TBC1D12: variants seen among roughly 807,000 people sequenced by gnomAD.
The protein encoded by TBC1D12 is TBC1 domain family, member 12.
A neutral mutation model predicts 86.7 loss-of-function variants in TBC1D12; 56 were observed. The ratio of observed to expected loss-of-function variants is 0.65; its 90% CI spans 0.52 to 0.81. TBC1D12 has a LOEUF of 0.81. Among genes scored for constraint, TBC1D12 ranks in the 30% least tolerant of loss-of-function variants. The pLI, the probability that TBC1D12 is intolerant of heterozygous loss-of-function variation, is 0.00. For missense variants in TBC1D12, 1,023 were observed against 1,038.8 expected (o/e 0.98, Z 0.21); for synonymous variants, 421 against 411.7 (o/e 1.02, Z -0.27).
At chr10:94,485,346 T>C (rs531764777) in intron 3 of TBC1D12, among the ~76,000 whole-genome samples, 1 of 152,294 alleles carries the variant, frequency 6.6e-6, no homozygotes, top group African/African-American at 2.4e-5. Flanking sequence ...GTTGAAATTA[T>C]ATGGTTTTTG....
intron 3 of TBC1D12, among the ~76,000 whole-genome samples, chr10:94,480,241 A>G (rs2056057122): frequency 6.6e-6 from 1 of 152,086 alleles, no homozygotes; most frequent in African/African-American, 2.4e-5. Context: ...TAATAGTATA[A>G]ATTTTTGGTG....
chr10:94,514,623 A>G (rs1445128796), intron 9 of TBC1D12, among the ~76,000 whole-genome samples: 1 of 152,156 alleles, frequency 6.6e-6, no homozygotes, highest in African/African-American at 2.4e-5. Flanking sequence ...GCTGAACAGT[A>G]TTCTTTTGTA....
intron 11 of TBC1D12, among the ~76,000 whole-genome samples, chr10:94,528,860 A>AG (rs56052709): frequency 0.98 from 148,570 of 150,894 alleles, 73,123 homozygotes; most frequent in East Asian, 1. Context: ...TAATTTGAGG[A>AG]GGGGGAAGAG....
rs2477534 is a variant in TBC1D12 at position 94,403,282 on chromosome 10, C to G, written c.669C>G (p.Pro223=). 973,496 of 1,498,044 alleles carry G rather than the reference C, an allele frequency of 0.65. 317,599 individuals are homozygous for G. The highest frequency in any genetic ancestry group is 0.8 in the East Asian group (28,552 of 35,600). 92.8% of individuals were successfully genotyped at this position (1,498,044 alleles called of 1,614,324 possible). A position where few individuals can be genotyped will look rare whatever the true frequency, so the allele number is the denominator to read the frequency against. The part of the protein sequence containing the change: ...EGAGSDSGDS[P]ASSCSSSEDS... The stretch of plus-strand genomic sequence containing the variant: ...CGGGCAGCGACTCGGGGGACAGCCC[C>G]GCCAGCAGCTGCAGCAGTAGCGAGG... Residue 223 remains proline, a synonymous_variant, in exon 1 of 13, where the codon CCC becomes CCG. Coordinates refer to ENST00000225235, the MANE Select transcript of TBC1D12 (RefSeq NM_015188.2).
intron 1 of TBC1D12, among the ~76,000 whole-genome samples, chr10:94,439,503 G>C (rs186572315): frequency 1.3e-5 from 2 of 152,236 alleles, no homozygotes; most frequent in African/African-American, 4.8e-5. Flanking sequence ...CTGCAGGAAC[G>C]CCATCTCCAG....
At chr10:94,522,120 TTGAA>T (rs1381272852) in intron 10 of TBC1D12, 37 bp downstream of exon 10, 11 of 1,595,622 alleles carry the variant, frequency 6.9e-6, no homozygotes, top group African/African-American at 6.7e-5. Flanking sequence ...TTTCTGTAGT[TTGAA>T]TGCCCTCTTA....
At chr10:94,528,309 G>A (rs1331468243) in intron 11 of TBC1D12, among the ~76,000 whole-genome samples, 2 of 152,072 alleles carry the variant, frequency 1.3e-5, no homozygotes, top group Admixed American at 6.5e-5. Flanking sequence ...TTACTCCTAA[G>A]TTTACTCCTT....
chr10:94,485,291 A>G (rs2056144113), intron 3 of TBC1D12, among the ~76,000 whole-genome samples: 1 of 152,008 alleles, frequency 6.6e-6, no homozygotes, highest in Non-Finnish European at 1.5e-5. Flanking sequence ...TAGGGCTTTT[A>G]TTATGAAGGG....
At chr10:94,482,556 T>A (rs753718434) in intron 3 of TBC1D12, among the ~76,000 whole-genome samples, 33 of 152,126 alleles carry the variant, frequency 2.2e-4, no homozygotes, top group Non-Finnish European at 4.9e-4. Flanking sequence ...GTTCAAGCAA[T>A]TCTCCTGCCT....
At chr10:94,419,935 A>C (rs561227005) in intron 1 of TBC1D12, among the ~76,000 whole-genome samples, 30 of 152,342 alleles carry the variant, frequency 2.0e-4, no homozygotes, top group African/African-American at 5.8e-4. Flanking sequence ...TCTGTTGATG[A>C]ATGCTGGCAA....
intron 10 of TBC1D12, 35 bp from the exon 11 acceptor site, chr10:94,522,309 T>A (rs1208057662): frequency 8.2e-7 from 1 of 1,214,334 alleles, no homozygotes; most frequent in Admixed American, 2.5e-5. Flanking sequence ...CTAGACTATA[T>A]ACTTTCATAA....
chr10:94,419,734 A>G (rs1051743277), intron 1 of TBC1D12, among the ~76,000 whole-genome samples: 1 of 152,184 alleles, frequency 6.6e-6, no homozygotes, highest in Non-Finnish European at 1.5e-5. Context: ...AGGAACAGTC[A>G]TTTTTGTATT....
intron 1 of TBC1D12, among the ~76,000 whole-genome samples, chr10:94,420,354 C>T (rs1028802953): frequency 2.6e-5 from 4 of 152,250 alleles, no homozygotes; most frequent in Admixed American, 2.6e-4. Flanking sequence ...GTTCAAGCTA[C>T]CAAGTCGATG....
At chr10:94,468,415 T>G (rs2055855068) in intron 2 of TBC1D12, among the ~76,000 whole-genome samples, 1 of 152,228 alleles carries the variant, frequency 6.6e-6, no homozygotes. Context: ...AATTTTATTT[T>G]GCTTTCACTT....
Position 94,471,300 on chromosome 10 carries a change from A to G in TBC1D12, c.1096-3368A>G, listed in dbSNP as rs114747465. The stretch of plus-strand genomic sequence containing the variant: ...CTCCAAAAAAAAAAAAAAAAAGCTC[A>G]TTCCTCTCGTAGATACATAAATTAT... On this transcript the variant is annotated intron_variant, in intron 2 of 12. Coordinates refer to ENST00000225235, the MANE Select transcript of TBC1D12 (RefSeq NM_015188.2). Among the ~76,000 whole-genome samples the G allele has an allele frequency of 7.5e-3, 1,126 of 149,574 alleles. 17 individuals carry two copies. Among genetic ancestry groups the G allele is most frequent in the African/African-American group, 0.027 (1,076 of 39,858 alleles).
chr10:94,463,972 G>A (rs971286870), intron 2 of TBC1D12, among the ~76,000 whole-genome samples: 13 of 151,956 alleles, frequency 8.6e-5, no homozygotes, highest in African/African-American at 3.1e-4. Context: ...TTTTGAAGTT[G>A]TCTTGGTGAA....
chr10:94,523,320 G>A (rs1474483003), intron 11 of TBC1D12, among the ~76,000 whole-genome samples: 3 of 151,764 alleles, frequency 2.0e-5, no homozygotes, highest in African/African-American at 4.8e-5. Context: ...TGTAGCGAGG[G>A]TGTTTTACGT....
chr10:94,427,833 C>CAAAAAAAAAAAAAAAAA (rs71031576), intron 1 of TBC1D12, among the ~76,000 whole-genome samples: 1 of 67,024 alleles, frequency 1.5e-5, no homozygotes, highest in Non-Finnish European at 2.6e-5. Context: ...CCCTGTCTCA[C>CAAAAAAAAAAAAAAAAA]AAAAAAAAAA....
At chr10:94,482,631 G>A (rs2056094066) in intron 3 of TBC1D12, among the ~76,000 whole-genome samples, 1 of 151,978 alleles carries the variant, frequency 6.6e-6, no homozygotes, top group Non-Finnish European at 1.5e-5. Flanking sequence ...TGTATTTTTA[G>A]TAGAGATGGG....
Sources: allele counts gnomAD v4.1 joint callset (sites outside exome capture counted in the v4.1 genomes callset), GRCh38; gene constraint gnomAD v4.1.1; transcripts MANE v1.5; gene names NCBI Gene and HGNC (gene_info 2026-07-23, HGNC 2026-07-21).